Variants in CSNK1E observed in about 807,000 individuals in gnomAD.
CSNK1E encodes the protein casein kinase I isoform epsilon.
CSNK1E carries 17 observed loss-of-function variants against 46.1 expected under a neutral mutation model. That is an observed-to-expected ratio of 0.37 (90% CI 0.25 to 0.55). CSNK1E has a LOEUF of 0.55. Among genes scored for constraint, CSNK1E ranks in the 20% least tolerant of loss-of-function variants. CSNK1E has a pLI of 0.82. For missense variants in CSNK1E, 386 were observed against 595.4 expected (o/e 0.65, Z 3.66); for synonymous variants, 241 against 242.6 (o/e 0.99, Z 0.06).
chr22:38,294,296 C>G lies in CSNK1E; in HGVS notation c.1078+46G>C, dbSNP rs754297716. ...CCCTCAGAGTAGGCACAAACAGAGC[C>G]CCCCACCCACCCTGAACCCAGCCCA... On this transcript the variant is annotated intron_variant, in intron 8 of 10. Transcript: ENST00000396832. The surrounding 1 kb of genome is among the most constrained non-coding windows in gnomAD (Gnocchi z 5.5). 17 of 1,597,324 alleles carry G rather than the reference C, an allele frequency of 1.1e-5. No individual in the cohort carries two copies. The South Asian group carries it at 1.8e-4, about 17-fold the overall frequency.
rs376296466 is a variant in CSNK1E, at chr22:38,294,297, C to G, written c.1078+45G>C. 4.4e-6 allele frequency: 7 copies of G among 1,597,334 alleles called. No homozygotes were observed. The highest frequency in any genetic ancestry group is 6.0e-6 in the Non-Finnish European group (7 of 1,172,964). ...CCTCAGAGTAGGCACAAACAGAGCC[C>G]CCCACCCACCCTGAACCCAGCCCAC... On this transcript the variant is annotated intron_variant, in intron 8 of 10. Transcript: ENST00000396832. This position sits in a 1 kb window ranked among gnomAD's most constrained non-coding sequence, Gnocchi z 5.5.
intron 2 of CSNK1E, among the ~76,000 whole-genome samples, chr22:38,310,101 G>A (rs924695520): frequency 7.9e-5 from 12 of 152,194 alleles, no homozygotes; most frequent in Admixed American, 7.9e-4. Flanking sequence ...CAAAGTCCCT[G>A]TGTTTTTTCT....
chr22:38,293,172 C>T, intron 10 of CSNK1E, 83 bp downstream of exon 10: 1 of 1,132,136 alleles, frequency 8.8e-7, no homozygotes, highest in Non-Finnish European at 1.3e-6. Context: ...CCCACCCCTC[C>T]ACAACACATT....
At chr22:38,293,968 G>A (rs2092625558) in intron 9 of CSNK1E, 141 bp downstream of exon 9, 11 of 1,013,934 alleles carry the variant, frequency 1.1e-5, no homozygotes, top group African/African-American at 4.8e-5. Flanking sequence ...ATGAGGCCAA[G>A]TCCTGGCTCT....
At chr22:38,296,619 C>T (rs376346687) in intron 7 of CSNK1E, 5 of 1,612,706 alleles carry the variant, frequency 3.1e-6, no homozygotes, top group Non-Finnish European at 3.4e-6. Context: ...AACTCCAGGG[C>T]CTGCCTCAAG....
At chr22:38,305,786 C>T (rs566900884) in intron 2 of CSNK1E, among the ~76,000 whole-genome samples, 34 of 152,254 alleles carry the variant, frequency 2.2e-4, no homozygotes, top group South Asian at 8.3e-4. Context: ...ACCTGTCTGT[C>T]GGCAAGACTG....
Position 38,294,085 on chromosome 22 carries a change from G to A in CSNK1E, c.1218+24C>T. On this transcript the variant is annotated intron_variant, in intron 9 of 10. Transcript: ENST00000396832. This position sits in a 1 kb window ranked among gnomAD's most constrained non-coding sequence, Gnocchi z 5.5. ...CTCTAACTCAGTTCTGAGGCCCAGA[G>A]GGACTGGCAGGGGGGCAGCTCACCT... The A allele has an allele frequency of 2.5e-6, 4 of 1,604,668 alleles. No homozygotes were observed. Among genetic ancestry groups the A allele is most frequent in the African/African-American group, 1.3e-5 (1 of 75,026 alleles).
chr22:38,315,495 C>T (rs576206608), intron 1 of CSNK1E, among the ~76,000 whole-genome samples: 1 of 152,350 alleles, frequency 6.6e-6, no homozygotes, highest in East Asian at 1.9e-4. Flanking sequence ...AGGTGCCACG[C>T]TGCCAGGGGA....
chr22:38,303,036 C>A lies in CSNK1E; in HGVS notation c.188-27G>T. The stretch of plus-strand genomic sequence containing the variant: ...TGGGGGTCAAGCAGAGGGCCTCTGT[C>A]AGGGGTCAGAGGCAGGCAGCCAGCC... On this transcript the variant is annotated intron_variant, in intron 3 of 10. Coordinates refer to ENST00000396832, the MANE Select transcript of CSNK1E (RefSeq NM_152221.3). The surrounding 1 kb of genome is among the most constrained non-coding windows in gnomAD (Gnocchi z 4.7). 6.4e-7 allele frequency: 1 copy of A among 1,557,238 alleles called. No homozygotes were observed.
At chr22:38,297,767 CT>C in intron 7 of CSNK1E, 2 of 998,852 alleles carry the variant, frequency 2.0e-6, no homozygotes, top group South Asian at 4.2e-5. Context: ...ATGGCAGGGC[CT>C]TTTCCACCAT....
chr22:38,314,822 A>T (rs1331044070), intron 1 of CSNK1E, among the ~76,000 whole-genome samples: 1 of 152,086 alleles, frequency 6.6e-6, no homozygotes, highest in Non-Finnish European at 1.5e-5. Context: ...TGGGAGGAGG[A>T]GTTCTGATGT....
intron 2 of CSNK1E, among the ~76,000 whole-genome samples, chr22:38,311,811 T>C (rs953326738): frequency 1.3e-5 from 2 of 149,150 alleles, no homozygotes; most frequent in African/African-American, 2.4e-5. Context: ...TTTCCTTCTT[T>C]TTTTTTTTTT....
chr22:38,316,605 C>T (rs374025118), intron 1 of CSNK1E: 2 of 152,292 alleles, frequency 1.3e-5, no homozygotes, highest in African/African-American at 2.4e-5. Flanking sequence ...ACCCCCACCC[C>T]TTTCTTTCTC....
At chr22:38,296,233 G>C (rs3183959) in intron 7 of CSNK1E, 1 of 1,088,908 alleles carries the variant, frequency 9.2e-7, no homozygotes, top group African/African-American at 1.7e-5. Flanking sequence ...ATTGCCCATA[G>C]AAAACATAAA....
At chr22:38,295,753 G>A (rs1023297373) in intron 7 of CSNK1E, among the ~76,000 whole-genome samples, 1 of 152,230 alleles carries the variant, frequency 6.6e-6, no homozygotes, top group Non-Finnish European at 1.5e-5. Flanking sequence ...ACTGTTCAGA[G>A]TCTTGCCTTA....
chr22:38,294,413 G>A lies in CSNK1E; in HGVS notation c.1007C>T (p.Ala336Val). 6.4e-7 allele frequency: 1 copy of A among 1,558,434 alleles called. No individual in the cohort carries two copies. The highest frequency in any genetic ancestry group is 1.4e-5 in the African/African-American group (1 of 73,648). ...GGCACTGCGGAGCCGGTTGGCAGTG[G>A]CCCCCGTGGGTGGGCCAGGGGGCAG... ...RALPPGPPTG[A>V]TANRLRSAAE... The change falls in exon 8 of 11, where the codon GCC becomes GTC. Residue 336 changes from alanine (A) to valine (V), a missense_variant. By Grantham distance (64) the Ala-to-Val change is moderately conservative (BLOSUM62 0). Coordinates refer to ENST00000396832, the MANE Select transcript of CSNK1E (RefSeq NM_152221.3). The surrounding 1 kb of genome is among the most constrained non-coding windows in gnomAD (Gnocchi z 5.5).
chr22:38,316,331 G>T (rs1032262266), intron 1 of CSNK1E, among the ~76,000 whole-genome samples: 1 of 152,164 alleles, frequency 6.6e-6, no homozygotes. Context: ...CCCAAACACA[G>T]GCATTGCTTG....
At chr22:38,305,121 C>CAAAAAAAA (rs33987200) in intron 2 of CSNK1E, among the ~76,000 whole-genome samples, 1 of 52,800 alleles carries the variant, frequency 1.9e-5, no homozygotes, top group Non-Finnish European at 3.3e-5. Context: ...AACTCCAGCT[C>CAAAAAAAA]AAAAAAAAAA....
chr22:38,316,706 G>C (rs1001646613), intron 1 of CSNK1E: 6 of 152,282 alleles, frequency 3.9e-5, no homozygotes, highest in Admixed American at 3.9e-4. Flanking sequence ...AGCGGGCGCA[G>C]CCTTGCGAAC....
Sources: gnomAD v4.1 joint callset for allele counts (sites outside exome capture counted in the v4.1 genomes callset) on GRCh38, gnomAD v4.1.1 for gene constraint, Gnocchi (gnomAD v3.1) non-coding constraint, MANE v1.5 for transcripts, NCBI Gene and HGNC (gene_info 2026-07-23, HGNC 2026-07-21) for gene names.